The following IFT140 variants were observed in gnomAD, a reference collection of about 807,000 sequenced individuals.
IFT140 encodes intraflagellar transport protein 140 homolog.
IFT140 carries 133 observed loss-of-function variants against 164.6 expected under a neutral mutation model. The observed-to-expected ratio is 0.81, with a 90% confidence interval of 0.70 to 0.93. The LOEUF (loss-of-function observed/expected upper bound fraction) is 0.93. Ranked by LOEUF, IFT140 falls within the 40% of genes least tolerant of loss-of-function variation. The probability of loss-of-function intolerance (pLI) is 0.00; values close to 1 mark genes in which losing one functional copy is unlikely to be tolerated. For missense variants in IFT140, 2,045 were observed against 1,972.3 expected (o/e 1.04, Z -0.70); for synonymous variants, 860 against 817.3 (o/e 1.05, Z -0.89).
At chr16:1,528,356 C>T (rs565803568) in intron 19 of IFT140, among the ~76,000 whole-genome samples, 9 of 132,004 alleles carry the variant, frequency 6.8e-5, no homozygotes, top group African/African-American at 1.3e-4. Flanking sequence ...CATGCACGCA[C>T]GTGTGCACAC....
intron 19 of IFT140, among the ~76,000 whole-genome samples, chr16:1,550,716 C>A (rs920094019): frequency 1.3e-5 from 2 of 152,236 alleles, no homozygotes; most frequent in South Asian, 2.1e-4. Flanking sequence ...GCCTTCCCTG[C>A]AAGCTTGACC....
intron 24 of IFT140, 103 bp downstream of exon 24, chr16:1,524,449 G>A: frequency 1.4e-6 from 2 of 1,467,394 alleles, no homozygotes; most frequent in Admixed American, 1.9e-5. Flanking sequence ...ACACTGGCCG[G>A]ACCACGTGTC....
At chr16:1,559,173 T>A (rs1270629348) in intron 18 of IFT140, among the ~76,000 whole-genome samples, 1 of 152,214 alleles carries the variant, frequency 6.6e-6, no homozygotes, top group Non-Finnish European at 1.5e-5. Context: ...GGACTGCTTC[T>A]GCCTTGAGTG....
Position 1,588,635 on chromosome 16 carries a change from C to T in IFT140, c.811-611G>A, listed in dbSNP as rs146249433. 4.3e-3 allele frequency among the ~76,000 whole-genome samples: 659 copies of T among 152,184 alleles called. 2 individuals carry two copies. Among genetic ancestry groups the T allele is most frequent in the Non-Finnish European group, 7.5e-3 (509 of 68,022 alleles). ...GTGATCACTAAGTTGAGCTGGTGCT[C>T]CCTGTTCATCCAACCACACGCTCTG... On this transcript the variant is annotated intron_variant, in intron 7 of 30. Coordinates refer to ENST00000426508, the MANE Select transcript of IFT140 (RefSeq NM_014714.4).
At chr16:1,532,623 C>T (rs1353467571) in intron 19 of IFT140, 1 of 152,310 alleles carries the variant, frequency 6.6e-6, no homozygotes, top group African/African-American at 2.4e-5. Context: ...ACAGGACTCT[C>T]TGTCCCAGCA....
At chr16:1,602,288 C>G in intron 4 of IFT140, 82 bp downstream of exon 4, 1 of 1,219,610 alleles carries the variant, frequency 8.2e-7, no homozygotes. Context: ...AGCACGGTTC[C>G]CATATTTTGA....
intron 19 of IFT140, 72 bp downstream of exon 19, chr16:1,557,863 G>A: frequency 1.4e-6 from 2 of 1,455,534 alleles, no homozygotes; most frequent in Non-Finnish European, 1.9e-6. Flanking sequence ...GAACCAAGAA[G>A]GCAAACAGGG....
intron 19 of IFT140, chr16:1,541,333 C>G: frequency 3.0e-6 from 3 of 985,268 alleles, no homozygotes; most frequent in Non-Finnish European, 3.6e-6. Flanking sequence ...CCCTGCTCAG[C>G]CCCTTGCTGG....
chr16:1,578,192 C>T (rs149163184), intron 13 of IFT140: 1 of 152,154 alleles, frequency 6.6e-6, no homozygotes, highest in Non-Finnish European at 1.5e-5. Context: ...GAGGGGCCCA[C>T]CCGCTTCCGT....
At chr16:1,580,955 C>T in intron 12 of IFT140, 105 bp from the exon 13 acceptor site, 1 of 754,446 alleles carries the variant, frequency 1.3e-6, no homozygotes, top group Non-Finnish European at 2.3e-6. Context: ...CTCAGCCTCA[C>T]CACAGCTTCA....
intron 11 of IFT140, 84 bp downstream of exon 11, chr16:1,584,133 C>T: frequency 1.6e-6 from 2 of 1,226,480 alleles, no homozygotes; most frequent in Admixed American, 2.0e-5. Context: ...AACCTGCCAT[C>T]TGGGGCCCTT....
At chr16:1,574,770 C>A (rs2034191928) in intron 13 of IFT140, among the ~76,000 whole-genome samples, 1 of 151,870 alleles carries the variant, frequency 6.6e-6, no homozygotes, top group South Asian at 2.1e-4. Flanking sequence ...GCATGGGAGG[C>A]CCCTCCCTCA....
At chr16:1,584,710 G>GGACACACTTTTCTGAGTGT (rs1721153259) in intron 10 of IFT140, among the ~76,000 whole-genome samples, 1 of 151,968 alleles carries the variant, frequency 6.6e-6, no homozygotes, top group Admixed American at 6.6e-5. Context: ...TTTCTGAGTG[G>GGACACACTTTTCTGAGTGT]GACACACTTT....
intron 19 of IFT140, chr16:1,540,795 GT>G (rs2031557942): frequency 1.0e-6 from 1 of 980,092 alleles, no homozygotes; most frequent in Admixed American, 6.2e-5. Flanking sequence ...TAACGACTTA[GT>G]TTTGGGAATC....
intron 15 of IFT140, among the ~76,000 whole-genome samples, chr16:1,567,239 T>C (rs1456985145): frequency 6.6e-6 from 1 of 152,204 alleles, no homozygotes; most frequent in Admixed American, 6.5e-5. Context: ...ACCGACCCTT[T>C]GATTCATCTT....
chr16:1,553,734 C>T lies in IFT140; in HGVS notation c.2399+4201G>A. 8.8e-7 allele frequency: 1 copy of T among 1,139,234 alleles called. No individual in the cohort carries two copies. Among genetic ancestry groups the T allele is most frequent in the South Asian group, 2.0e-5 (1 of 50,936 alleles). 70.6% of individuals were successfully genotyped at this position (1,139,234 alleles called of 1,614,324 possible). A position where few individuals can be genotyped will look rare whatever the true frequency, so the allele number is the denominator to read the frequency against. ...CCAGGACAATCTGTGGCCACATCCC[C>T]ATGGCTGTAGGGGATGAGGAGGGGC... On this transcript the variant is annotated intron_variant, in intron 19 of 30. Transcript: ENST00000426508. The surrounding 1 kb of genome is among the most constrained non-coding windows in gnomAD (Gnocchi z 4.4).
intron 18 of IFT140, among the ~76,000 whole-genome samples, chr16:1,559,795 G>A (rs987759024): frequency 3.3e-5 from 5 of 152,154 alleles, no homozygotes; most frequent in African/African-American, 1.2e-4. Flanking sequence ...AGAAAGTATC[G>A]GTGCACAGAC....
rs1489022769 is a variant in IFT140 at position 1,526,080 on chromosome 16, G to C, written c.2578-3C>G. ...CTGTACAGCTGCTCGGCGTCCTCCTGAGGAATGAGGATGGGCAGGTGTCGT... is the reference window on the plus strand; with the variant it reads ...CTGTACAGCTGCTCGGCGTCCTCCTCAGGAATGAGGATGGGCAGGTGTCGT... On this transcript the variant is annotated splice_region_variant and splice_polypyrimidine_tract_variant and intron_variant, in intron 20 of 30. Transcript: ENST00000426508. 2 of 1,577,334 alleles carry C rather than the reference G, an allele frequency of 1.3e-6. No individual in the cohort carries two copies. The highest frequency in any genetic ancestry group is 1.4e-5 in the African/African-American group (1 of 74,030).
chr16:1,583,828 T>A (rs975928534), intron 11 of IFT140, among the ~76,000 whole-genome samples: 18 of 152,120 alleles, frequency 1.2e-4, no homozygotes, highest in African/African-American at 4.3e-4. Context: ...CACAGCAACC[T>A]CCACCTCCTG....
Sources: gnomAD v4.1 joint callset for allele counts (sites outside exome capture counted in the v4.1 genomes callset) on GRCh38, gnomAD v4.1.1 for gene constraint, Gnocchi (gnomAD v3.1) non-coding constraint, MANE v1.5 for transcripts, NCBI Gene and HGNC (gene_info 2026-07-23, HGNC 2026-07-21) for gene names.